PCDHA3: variants seen among roughly 807,000 people sequenced by gnomAD.
PCDHA3 encodes the protein protocadherin alpha 3, also known as protocadherin alpha-3.
A neutral mutation model predicts 62.2 loss-of-function variants in PCDHA3; 41 were observed. The ratio of observed to expected loss-of-function variants is 0.66; its 90% CI spans 0.51 to 0.86. PCDHA3 has a LOEUF of 0.86. Ranked by LOEUF, PCDHA3 falls within the 40% of genes least tolerant of loss-of-function variation. The probability of loss-of-function intolerance (pLI) is 0.00; values close to 1 mark genes in which losing one functional copy is unlikely to be tolerated. For missense variants in PCDHA3, 1,304 were observed against 1,241.2 expected (o/e 1.05, Z -0.76); for synonymous variants, 640 against 555.4 (o/e 1.15, Z -2.14).
At position 140,884,506 on chromosome 5, in the gene PCDHA3, G is replaced by C. The variant is rs10076265; in HGVS notation, c.2394+80915G>C. 4,595 of 1,614,168 alleles carry C rather than the reference G, an allele frequency of 2.8e-3. 101 individuals are homozygous for C. In the African/African-American group the frequency reaches 0.053, roughly 19 times the overall value. On this transcript the variant is annotated intron_variant, in intron 1 of 3. Coordinates refer to ENST00000522353, the MANE Select transcript of PCDHA3 (RefSeq NM_018906.3). Reference sequence around the variant, plus strand: ...CTCTAGTGTGCTCCAGCGCGGCAGGGAGTTGGTCGTACTCGCAGCAGAGGC... The same window carrying C: ...CTCTAGTGTGCTCCAGCGCGGCAGGCAGTTGGTCGTACTCGCAGCAGAGGC...
At chr5:140,858,105 C>A (rs782612207) in intron 1 of PCDHA3, 2 of 1,597,672 alleles carry the variant, frequency 1.3e-6, no homozygotes, top group East Asian at 2.2e-5. Context: ...GTGGGCGTGG[C>A]GCCCGAGGTG....
intron 1 of PCDHA3, chr5:140,861,372 A>G (rs2046882996): frequency 8.6e-5 from 35 of 407,054 alleles, no homozygotes; most frequent in South Asian, 7.5e-4. Context: ...CGCGGTCCCT[A>G]TTGCGCAGGA....
rs143580970 is a variant in PCDHA3, at chr5:140,976,476, G to A, written c.2395-2473G>A. ...TGGGGAAGAAGAATTGCTTGAATCC[G>A]GGAGGCAGAGGTTGCAGGGAGCCAA... On this transcript the variant is annotated intron_variant, in intron 1 of 3. Transcript: ENST00000522353. 8.2e-3 allele frequency among the ~76,000 whole-genome samples: 1,253 copies of A among 152,132 alleles called. 22 individuals carry two copies. The highest frequency in any genetic ancestry group is 0.028 in the African/African-American group (1,179 of 41,504).
chr5:140,819,712 ATAATT>A (rs1766603643), intron 1 of PCDHA3, among the ~76,000 whole-genome samples: 1 of 152,132 alleles, frequency 6.6e-6, no homozygotes, highest in Non-Finnish European at 1.5e-5. Context: ...AAAAGTAAAT[ATAATT>A]TAACAGATAT....
chr5:140,807,614 G>T lies in PCDHA3; in HGVS notation c.2394+4023G>T, dbSNP rs782288256. 5.0e-6 allele frequency: 8 copies of T among 1,614,174 alleles called. No individual in the cohort carries two copies. The South Asian group carries it at 8.8e-5, about 18-fold the overall frequency. The stretch of plus-strand genomic sequence containing the variant: ...AGCAACACAAAAGAACCTGTCCATC[G>T]CGGAATCCAGGCCGCTTGACTCTCG... On this transcript the variant is annotated intron_variant, in intron 1 of 3. Transcript: ENST00000522353.
intron 1 of PCDHA3, chr5:140,808,232 G>C (rs1554124466): frequency 1.2e-6 from 2 of 1,614,122 alleles, no homozygotes; most frequent in Non-Finnish European, 1.7e-6. Context: ...TAATGTCCCA[G>C]ATTTGGAATT....
chr5:140,849,121 A>G (rs2150430770), intron 1 of PCDHA3: 7 of 1,407,396 alleles, frequency 5.0e-6, no homozygotes, highest in Non-Finnish European at 1.9e-6. Context: ...CCGGAGCTTC[A>G]TTTATTGCTC....
rs781789539 is a variant in PCDHA3 at position 140,856,760 on chromosome 5, G to C, written c.2394+53169G>C. 3.8e-6 allele frequency: 6 copies of C among 1,596,522 alleles called. 2 individuals are homozygous for C. Among genetic ancestry groups the C allele is most frequent in the Non-Finnish European group, 5.1e-6 (6 of 1,166,548 alleles). On this transcript the variant is annotated intron_variant, in intron 1 of 3. Transcript: ENST00000522353. ...CCTGGTGTTAGATGCCAATGATAAC[G>C]CCCCTATCTTTGACAGACCGGTTTA...
At chr5:140,869,479 A>G (rs781927972) in intron 1 of PCDHA3, 35 of 1,614,086 alleles carry the variant, frequency 2.2e-5, no homozygotes, top group Middle Eastern at 1.6e-4. Context: ...GGTGAAGGAC[A>G]TTAACGACAA....
In PCDHA3 at chr5:140,978,014, A is replaced by C. The variant is rs939579655; in HGVS notation, c.2395-935A>C. ...AGTGTCACAAGTTTTTCACAGTGAC[A>C]TTTTTGCTTACTGATACAAGACAGT... On this transcript the variant is annotated intron_variant, in intron 1 of 3. Transcript: ENST00000522353. Among the ~76,000 whole-genome samples, 9 of 152,256 alleles carry C rather than the reference A, an allele frequency of 5.9e-5. 1 individual carries two copies. The highest frequency in any genetic ancestry group is 2.2e-4 in the African/African-American group (9 of 41,540).
At chr5:140,966,454 C>T (rs897696652) in intron 1 of PCDHA3, 6 of 426,406 alleles carry the variant, frequency 1.4e-5, no homozygotes, top group Admixed American at 4.4e-5. Flanking sequence ...TCCCCCTCCC[C>T]CTCTGTCTTC....
intron 3 of PCDHA3, among the ~76,000 whole-genome samples, chr5:140,992,543 T>G (rs1226407687): frequency 6.6e-6 from 1 of 152,186 alleles, no homozygotes; most frequent in African/African-American, 2.4e-5. Flanking sequence ...CTGTCACAAG[T>G]GATGCCAGGA....
chr5:140,966,699 C>A, intron 1 of PCDHA3: 1 of 1,361,588 alleles, frequency 7.3e-7, no homozygotes, highest in Non-Finnish European at 9.4e-7. Context: ...GGGGCCCGGG[C>A]GTGGGGCACG....
intron 1 of PCDHA3, among the ~76,000 whole-genome samples, chr5:140,914,442 CT>C (rs782585142): frequency 1.5e-4 from 23 of 152,072 alleles, no homozygotes; most frequent in Non-Finnish European, 2.9e-4. Context: ...TTTCCCATGT[CT>C]TTATTTTCCA....
intron 1 of PCDHA3, among the ~76,000 whole-genome samples, chr5:140,897,071 A>AT (rs1433909021): frequency 3.3e-5 from 5 of 151,872 alleles, no homozygotes; most frequent in African/African-American, 1.2e-4. Flanking sequence ...TGTCTTATTC[A>AT]TTTTTTCTAT....
At chr5:140,809,219 GCCT>G (rs1554125089) in intron 1 of PCDHA3, 8 of 1,614,078 alleles carry the variant, frequency 5.0e-6, no homozygotes. Context: ...GGCGCCAAAG[GCCT>G]CCTCACGGGC....
chr5:140,954,782 C>T (rs894049284), intron 1 of PCDHA3, among the ~76,000 whole-genome samples: 3 of 152,128 alleles, frequency 2.0e-5, no homozygotes, highest in Non-Finnish European at 4.4e-5. Context: ...TTAATTAGAT[C>T]TCATTTGTCA....
Position 140,856,651 on chromosome 5 carries a change from T to C in PCDHA3, c.2394+53060T>C, listed in dbSNP as rs1284108605. 10 of 1,598,112 alleles carry C rather than the reference T, an allele frequency of 6.3e-6. 1 individual carries two copies. The highest frequency in any genetic ancestry group is 6.9e-6 in the Non-Finnish European group (8 of 1,167,692). ...TTGTTCTGCGGAAGCTGCTGGATCG[T>C]GAAGAAAATCCTCAGCTAAAGTTGT... is the stretch of plus-strand genomic sequence containing the variant. On this transcript the variant is annotated intron_variant, in intron 1 of 3. Coordinates refer to ENST00000522353, the MANE Select transcript of PCDHA3 (RefSeq NM_018906.3).
chr5:140,848,195 C>T lies in PCDHA3; in HGVS notation c.2394+44604C>T, dbSNP rs2150407031. ...GCAAGAGAAACGGGATCTTCTGTTT[C>T]AACAATCATTACTTAAGAAAAAATT... On this transcript the variant is annotated intron_variant, in intron 1 of 3. Transcript: ENST00000522353. 38 of 306,006 alleles carry T rather than the reference C, an allele frequency of 1.2e-4. 1 individual carries two copies. Among genetic ancestry groups the T allele is most frequent in the Admixed American group, 5.2e-4 (11 of 21,218 alleles). 19.0% of individuals were successfully genotyped at this position (306,006 alleles called of 1,614,324 possible).
Sources: allele counts gnomAD v4.1 joint callset (sites outside exome capture counted in the v4.1 genomes callset), GRCh38; gene constraint gnomAD v4.1.1; transcripts MANE v1.5; gene names NCBI Gene and HGNC (gene_info 2026-07-23, HGNC 2026-07-21).